KCTD1: variants seen among roughly 807,000 people sequenced by gnomAD.
The protein encoded by KCTD1 is BTB/POZ domain-containing protein KCTD1.
A neutral mutation model predicts 66.0 loss-of-function variants in KCTD1; 24 were observed. The observed-to-expected ratio is 0.36, with a 90% CI of 0.26 to 0.51. KCTD1 has a LOEUF of 0.51. Ranked by LOEUF, KCTD1 falls within the 20% of genes least tolerant of loss-of-function variation. The probability of loss-of-function intolerance (pLI) is 0.95; values close to 1 mark genes in which losing one functional copy is unlikely to be tolerated. For synonymous variants in KCTD1, 511 were observed against 517.2 expected (o/e 0.99, Z 0.16); for missense variants, 943 against 1,205.2 (o/e 0.78, Z 3.22).
intron 1 of KCTD1, among the ~76,000 whole-genome samples, chr18:26,572,083 G>A (rs1232032651): frequency 1.3e-5 from 2 of 148,148 alleles, no homozygotes; most frequent in African/African-American, 2.5e-5. Flanking sequence ...TTTTTGAGAC[G>A]TAGTCTCGCT....
At chr18:26,467,187 G>A (rs1980784573) in intron 3 of KCTD1, among the ~76,000 whole-genome samples, 1 of 148,180 alleles carries the variant, frequency 6.7e-6, no homozygotes, top group Admixed American at 6.8e-5. Flanking sequence ...CAATGTACAT[G>A]TACTTCTTCT....
chr18:26,575,513 T>G (rs1477180125), intron 1 of KCTD1: 1 of 152,162 alleles, frequency 6.6e-6, no homozygotes, highest in Non-Finnish European at 1.5e-5. Flanking sequence ...AGGGGCATGA[T>G]CCAGACACCA....
intron 2 of KCTD1, among the ~76,000 whole-genome samples, chr18:26,491,731 T>C (rs1982211520): frequency 6.6e-6 from 1 of 152,286 alleles, no homozygotes; most frequent in East Asian, 1.9e-4. Flanking sequence ...GGGTAACCCA[T>C]GTCCCAGCAC....
At chr18:26,645,411 G>T (rs78327115) in intron 1 of KCTD1, among the ~76,000 whole-genome samples, 5,371 of 152,146 alleles carry the variant, frequency 0.035, 138 homozygotes, top group East Asian at 0.069. Flanking sequence ...ATCCTTTTAT[G>T]TTTCTCTTTG....
chr18:26,656,111 C>A (rs1231271114), intron 1 of KCTD1, among the ~76,000 whole-genome samples: 1 of 152,114 alleles, frequency 6.6e-6, no homozygotes, highest in African/African-American at 2.4e-5. Flanking sequence ...TCCCTCCCGC[C>A]CACCTCTGCG....
rs1343353853 is a variant in KCTD1 at position 26,459,936 on chromosome 18, A to G, written c.2134-11T>C. The G allele has an allele frequency of 6.4e-7, 1 of 1,552,480 alleles. No homozygotes were observed. The highest frequency in any genetic ancestry group is 1.2e-5 in the South Asian group (1 of 80,748). On this transcript the variant is annotated splice_polypyrimidine_tract_variant and intron_variant, in intron 3 of 4. Transcript: ENST00000580059. ...TAACAAAGTGTAGTCCTGGAAAAAA[A>G]AAAGGTATTTCACAGTGCAAACTGC...
chr18:26,521,596 G>T (rs8083427), intron 1 of KCTD1, among the ~76,000 whole-genome samples: 9,651 of 152,236 alleles, frequency 0.063, 385 homozygotes, highest in South Asian at 0.15. Context: ...TCAAGATTGT[G>T]CCCCAGGAGC....
At chr18:26,508,754 T>A (rs1227675502) in intron 1 of KCTD1, among the ~76,000 whole-genome samples, 1 of 151,954 alleles carries the variant, frequency 6.6e-6, no homozygotes, top group African/African-American at 2.4e-5. Context: ...ACGCACAACA[T>A]CTGTATTATA....
At chr18:26,550,565 GACAC>G (rs60922405), upstream of KCTD1, among the ~76,000 whole-genome samples, 2,813 of 140,568 alleles carry the variant, frequency 0.02, 50 homozygotes, top group South Asian at 0.063. The surrounding 1 kb of genome is among the most constrained non-coding windows in gnomAD (Gnocchi z 5.4). Flanking sequence ...AAGACACACA[GACAC>G]ACACACACAC....
At chr18:26,578,061 T>TC (rs1475551115) in intron 1 of KCTD1, among the ~76,000 whole-genome samples, 1 of 144,996 alleles carries the variant, frequency 6.9e-6, no homozygotes, top group Admixed American at 6.8e-5. Flanking sequence ...TTCTTTCTTT[T>TC]TTTTTTTTTT....
At chr18:26,499,291 G>A (rs1033644537) in intron 2 of KCTD1, among the ~76,000 whole-genome samples, 1 of 152,084 alleles carries the variant, frequency 6.6e-6, no homozygotes, top group Non-Finnish European at 1.5e-5. Context: ...TATTAACAGA[G>A]GGTCGGAAGG....
In KCTD1 at chr18:26,548,297, G is replaced by C; in HGVS notation, c.240C>G (p.Asp80Glu). 3 of 1,477,634 alleles carry C rather than the reference G, an allele frequency of 2.0e-6. No individual in the cohort carries two copies. The highest frequency in any genetic ancestry group is 1.3e-5 in the South Asian group (1 of 76,052). 91.5% of individuals were successfully genotyped at this position (1,477,634 alleles called of 1,614,324 possible). Residue 80 changes from aspartate (D) to glutamate (E), a missense_variant, in exon 1 of 5, where the codon GAC becomes GAG. Asp to Glu is a conservative substitution (Grantham distance 45). Around this residue, in one of 10 missense-constraint regions of KCTD1, gnomAD observed 236 missense variants for 206.6 expected, o/e 1.14. Coordinates refer to ENST00000580059, the MANE Select transcript of KCTD1 (RefSeq NM_001142730.3). The stretch of plus-strand genomic sequence containing the variant: ...CGTCCTCCTCCAGCCCCCCACCTCC[G>C]TCCTCCTCCTCCTCCTCGTCCCCCG... The part of the protein sequence containing the change: ...QITGDEEEEE[D>E]GGGGLEEDEE...
At chr18:26,543,766 G>A (rs1400905145) in intron 1 of KCTD1, 2 of 152,230 alleles carry the variant, frequency 1.3e-5, no homozygotes, top group African/African-American at 2.4e-5. Context: ...GGTCAAGCAA[G>A]TGCAACTAAA....
intron 1 of KCTD1, among the ~76,000 whole-genome samples, chr18:26,587,264 C>T (rs1986491934): frequency 2.0e-5 from 3 of 152,140 alleles, no homozygotes; most frequent in African/African-American, 7.2e-5. Flanking sequence ...AAAAACGAAG[C>T]CTGGATAAAA....
At chr18:26,556,604 C>G (rs908718401) in intron 1 of KCTD1, among the ~76,000 whole-genome samples, 1 of 152,368 alleles carries the variant, frequency 6.6e-6, no homozygotes, top group South Asian at 2.1e-4. Context: ...TGGAAACATA[C>G]ATGCATCATA....
chr18:26,534,568 T>G (rs1984598300), intron 1 of KCTD1, among the ~76,000 whole-genome samples: 1 of 152,204 alleles, frequency 6.6e-6, no homozygotes, highest in South Asian at 2.1e-4. Context: ...CTCATTTTCC[T>G]CTAACCTGTC....
chr18:26,566,852 G>T (rs72887343), intron 1 of KCTD1: 46,921 of 118,050 alleles, frequency 0.4, 8,874 homozygotes, highest in East Asian at 0.62. Flanking sequence ...AAAAAAAAAA[G>T]TTGGGGGTGG....
intron 1 of KCTD1, among the ~76,000 whole-genome samples, chr18:26,513,453 C>CT (rs1296289158): frequency 6.6e-6 from 1 of 152,178 alleles, no homozygotes; most frequent in African/African-American, 2.4e-5. Context: ...AAAGATCACA[C>CT]TTCTAACTTT....
upstream of KCTD1, among the ~76,000 whole-genome samples, chr18:26,644,191 C>A (rs1478992296): frequency 6.6e-6 from 1 of 152,074 alleles, no homozygotes; most frequent in Non-Finnish European, 1.5e-5. Context: ...ATAGAAAAAG[C>A]CATGTAAATA....
Sources: allele counts gnomAD v4.1 joint callset (sites outside exome capture counted in the v4.1 genomes callset), GRCh38; gene constraint gnomAD v4.1.1; regional missense constraint gnomAD v4.1.1; non-coding constraint Gnocchi (gnomAD v3.1); transcripts MANE v1.5; gene names NCBI Gene and HGNC (gene_info 2026-07-23, HGNC 2026-07-21).